The following CGGBP1 variants were observed in gnomAD, a reference collection of about 807,000 sequenced individuals.
CGGBP1 encodes CGG triplet repeat binding protein 1.
Under a neutral mutation model 11.4 loss-of-function variants are expected in CGGBP1, and 4 were observed. The ratio of observed to expected loss-of-function variants is 0.35; its 90% CI spans 0.17 to 0.80. CGGBP1 has a LOEUF of 0.80. Among genes scored for constraint, CGGBP1 ranks in the 30% least tolerant of loss-of-function variants. The pLI is 0.52. For synonymous variants in CGGBP1, 76 were observed against 74.1 expected (o/e 1.03, Z -0.13); for missense variants, 135 against 202.1 (o/e 0.67, Z 2.01).
rs1170924515 is a variant in CGGBP1, at chr3:88,112,424, G to T, written c.-229+28546C>A. Among the ~76,000 whole-genome samples the T allele has an allele frequency of 2.6e-5, 4 of 151,952 alleles. No individual in the cohort carries two copies. The East Asian group carries it at 7.7e-4, about 29-fold the overall frequency. On this transcript the variant is annotated intron_variant, in intron 2 of 3. Transcript: ENST00000462901. ...TAATTTTATAATTTTCCATGCTCAT[G>T]ATTAGGAAATCATTCATGTTCCTTT...
chr3:88,132,193 G>T (rs1404781819), intron 2 of CGGBP1, among the ~76,000 whole-genome samples: 8 of 151,978 alleles, frequency 5.3e-5, no homozygotes, highest in African/African-American at 1.9e-4. Context: ...CAGTCTTCCA[G>T]CCTCTGCTAT....
At chr3:88,065,446 T>C (rs746978242) in intron 2 of CGGBP1, among the ~76,000 whole-genome samples, 3 of 152,138 alleles carry the variant, frequency 2.0e-5, no homozygotes, top group Non-Finnish European at 4.4e-5. Context: ...CCCTTTTCCC[T>C]AAACAATCAT....
intron 2 of CGGBP1, among the ~76,000 whole-genome samples, chr3:88,086,910 G>C (rs1014008845): frequency 6.6e-6 from 1 of 151,890 alleles, no homozygotes; most frequent in Non-Finnish European, 1.5e-5. Context: ...AGCCTCCCAA[G>C]TAGCTGGGAC....
At chr3:88,058,452 G>GGGCGGGGGCGGGGGAGA (rs929288272) in intron 1 of CGGBP1, among the ~76,000 whole-genome samples, 9 of 152,280 alleles carry the variant, frequency 5.9e-5, no homozygotes, top group Admixed American at 5.9e-4. Context: ...CCGGGGGTTC[G>GGGCGGGGGCGGGGGAGA]GGCGGGGGCG....
intron 2 of CGGBP1, among the ~76,000 whole-genome samples, chr3:88,102,155 T>G (rs1471988209): frequency 1.3e-5 from 2 of 152,148 alleles, no homozygotes; most frequent in African/African-American, 4.8e-5. Flanking sequence ...AGAAATTTGG[T>G]TGTAATGTGT....
intron 2 of CGGBP1, chr3:88,139,218 G>T: frequency 6.8e-7 from 1 of 1,474,126 alleles, no homozygotes; most frequent in East Asian, 2.4e-5. Context: ...TGATGTATCT[G>T]GAGTGCAGCC....
At chr3:88,140,009 A>G (rs1559737535) in intron 2 of CGGBP1, 2 of 1,613,840 alleles carry the variant, frequency 1.2e-6, no homozygotes, top group Non-Finnish European at 1.7e-6. Flanking sequence ...TGCGACAAAC[A>G]GTAATGAAGT....
chr3:88,142,537 G>A (rs1707182567), intron 1 of CGGBP1: 1 of 152,268 alleles, frequency 6.6e-6, no homozygotes, highest in Admixed American at 6.6e-5. Context: ...GGATACTTCT[G>A]TTTGTGTATA....
chr3:88,133,677 ACT>A (rs1218428218), intron 2 of CGGBP1, among the ~76,000 whole-genome samples: 5 of 152,034 alleles, frequency 3.3e-5, no homozygotes, highest in African/African-American at 1.2e-4. Context: ...GAAACTCCTA[ACT>A]CTACAACCCA....
intron 2 of CGGBP1, among the ~76,000 whole-genome samples, chr3:88,110,174 A>G (rs1705003296): frequency 6.6e-6 from 1 of 152,120 alleles, no homozygotes; most frequent in African/African-American, 2.4e-5. Flanking sequence ...AGTTACTATT[A>G]TTGTGTTTTA....
intron 2 of CGGBP1, among the ~76,000 whole-genome samples, chr3:88,137,216 AAAG>A (rs1224168760): frequency 4.6e-5 from 7 of 151,388 alleles, no homozygotes; most frequent in Non-Finnish European, 1.0e-4. Context: ...AAAAAAAAAA[AAAG>A]GATGTAGATA....
chr3:88,112,599 C>G (rs1705158951), intron 2 of CGGBP1, among the ~76,000 whole-genome samples: 1 of 151,944 alleles, frequency 6.6e-6, no homozygotes, highest in South Asian at 2.1e-4. Context: ...AACCATGTGT[C>G]ATTTATTAGA....
intron 2 of CGGBP1, among the ~76,000 whole-genome samples, chr3:88,130,569 G>T (rs1414011363): frequency 1.3e-5 from 2 of 151,152 alleles, no homozygotes; most frequent in Non-Finnish European, 2.9e-5. Context: ...TCCCGCCTCA[G>T]CCTCCTCAGT....
chr3:88,114,344 G>C (rs1705265093), intron 2 of CGGBP1, among the ~76,000 whole-genome samples: 2 of 152,150 alleles, frequency 1.3e-5, no homozygotes, highest in African/African-American at 4.8e-5. Context: ...CCACTGAAAT[G>C]TTTGGAGTAG....
intron 2 of CGGBP1, among the ~76,000 whole-genome samples, chr3:88,070,563 GTTTTTTTTTTTTT>G (rs67079285): frequency 2.0e-4 from 22 of 111,314 alleles, no homozygotes; most frequent in African/African-American, 5.0e-4. Flanking sequence ...AACACTGCCT[GTTTTTTTTTTTTT>G]TTTTTTTTTT....
At chr3:88,060,282 C>A (rs1576169503), upstream of CGGBP1, among the ~76,000 whole-genome samples, 1 of 152,068 alleles carries the variant, frequency 6.6e-6, no homozygotes, top group African/African-American at 2.4e-5. Context: ...AGTGTCTGAA[C>A]GGTGACATTA....
At chr3:88,139,854 G>A in intron 2 of CGGBP1, 1 of 1,595,178 alleles carries the variant, frequency 6.3e-7, no homozygotes, top group Non-Finnish European at 8.5e-7. Context: ...TAAAATCAAT[G>A]GAACTGTGTG....
intron 2 of CGGBP1, among the ~76,000 whole-genome samples, chr3:88,065,054 ATAAAT>A (rs1290872614): frequency 1.3e-5 from 2 of 152,244 alleles, no homozygotes; most frequent in Non-Finnish European, 2.9e-5. Context: ...AATTGCATTG[ATAAAT>A]TTAATTGCAT....
chr3:88,135,239 G>C, intron 2 of CGGBP1: 1 of 1,356,754 alleles, frequency 7.4e-7, no homozygotes, highest in Non-Finnish European at 9.6e-7. Context: ...ATTTAAAATT[G>C]AGTGACAGTT....
Sources: allele counts gnomAD v4.1 joint callset (sites outside exome capture counted in the v4.1 genomes callset), GRCh38; gene constraint gnomAD v4.1.1; transcripts MANE v1.5; gene names NCBI Gene and HGNC (gene_info 2026-07-23, HGNC 2026-07-21).